RGPD6: variants seen among roughly 807,000 people sequenced by gnomAD.
RGPD6 encodes the protein RANBP2 like and GRIP domain containing 6.
chr2:110,609,798 T>G, the RGPD6 span, among the ~76,000 whole-genome samples: 1 of 112,038 alleles, frequency 8.9e-6, no homozygotes, highest in Non-Finnish European at 1.9e-5. Flanking sequence ...ACCTGAATAG[T>G]GCTGGTTGGA....
the RGPD6 span, among the ~76,000 whole-genome samples, chr2:110,591,116 A>G: frequency 6.4e-5 from 7 of 109,730 alleles, no homozygotes; most frequent in African/African-American, 2.4e-4. Context: ...TCTTTATAAT[A>G]TCAAAAGTTC....
At chr2:110,610,807 T>C in the RGPD6 span, 97 of 1,100,818 alleles carry the variant, frequency 8.8e-5, no homozygotes, top group East Asian at 4.1e-4. Flanking sequence ...CTGCCGCCGC[T>C]GCCGCCGCCG....
At chr2:110,608,341 T>C in the RGPD6 span, among the ~76,000 whole-genome samples, 1 of 149,174 alleles carries the variant, frequency 6.7e-6, no homozygotes, top group Non-Finnish European at 1.5e-5. Context: ...TATTTCCTCA[T>C]CTATAAAATG....
the RGPD6 span, among the ~76,000 whole-genome samples, chr2:110,593,143 C>A: frequency 6.7e-6 from 1 of 148,160 alleles, no homozygotes; most frequent in Non-Finnish European, 1.5e-5. Flanking sequence ...CCATTTAAAT[C>A]TCTTACAACA....
At chr2:110,591,780 A>C in the RGPD6 span, among the ~76,000 whole-genome samples, 1 of 150,412 alleles carries the variant, frequency 6.6e-6, no homozygotes, top group Admixed American at 6.6e-5. Context: ...CCATTCCCAA[A>C]TCCAATAAGC....
the RGPD6 span, among the ~76,000 whole-genome samples, chr2:110,591,650 C>A: frequency 6.6e-6 from 1 of 151,858 alleles, no homozygotes; most frequent in African/African-American, 2.4e-5. Flanking sequence ...TCCCCAAAGG[C>A]TCCAGTCTCC....
the RGPD6 span, among the ~76,000 whole-genome samples, chr2:110,591,100 C>T: frequency 2.8e-5 from 3 of 105,598 alleles, no homozygotes; most frequent in East Asian, 2.4e-4. Flanking sequence ...TGTCCAATTT[C>T]GTGTATCTTT....
the RGPD6 span, among the ~76,000 whole-genome samples, chr2:110,607,268 C>T: frequency 1.5e-4 from 22 of 151,416 alleles, no homozygotes; most frequent in Admixed American, 2.6e-4. Flanking sequence ...GCTACAGTGT[C>T]GGGTGCTGAA....
At chr2:110,605,375 G>A in the RGPD6 span, among the ~76,000 whole-genome samples, 1 of 151,010 alleles carries the variant, frequency 6.6e-6, no homozygotes, top group African/African-American at 2.5e-5. Flanking sequence ...CCTTCGGCCA[G>A]TGTGAGTACA....
chr2:110,593,179 A>G, the RGPD6 span, among the ~76,000 whole-genome samples: 3 of 148,192 alleles, frequency 2.0e-5, no homozygotes, highest in Non-Finnish European at 4.4e-5. Flanking sequence ...CAAGACACAC[A>G]TCATCTGCAT....
At chr2:110,601,075 T>C in the RGPD6 span, among the ~76,000 whole-genome samples, 7 of 151,542 alleles carry the variant, frequency 4.6e-5, no homozygotes, top group South Asian at 2.1e-4. Context: ...GCTTCTATTT[T>C]AGTAAACTAC....
At chr2:110,596,945 T>C in the RGPD6 span, among the ~76,000 whole-genome samples, 40 of 92,426 alleles carry the variant, frequency 4.3e-4, 1 homozygote, top group East Asian at 0.012. Flanking sequence ...ATATATTTTA[T>C]ATATATAATA....
chr2:110,606,888 G>A, the RGPD6 span, among the ~76,000 whole-genome samples: 8 of 151,662 alleles, frequency 5.3e-5, no homozygotes, highest in East Asian at 1.5e-3. Flanking sequence ...AATCACCAGT[G>A]TTGAAAACTT....
chr2:110,605,315 C>T, the RGPD6 span, among the ~76,000 whole-genome samples: 1 of 151,440 alleles, frequency 6.6e-6, no homozygotes, highest in Admixed American at 6.6e-5. Flanking sequence ...GAGGCCCCTC[C>T]AGGCCCATGC....
At chr2:110,607,425 C>CA in the RGPD6 span, among the ~76,000 whole-genome samples, 9 of 148,036 alleles carry the variant, frequency 6.1e-5, no homozygotes, top group Non-Finnish European at 1.0e-4. Context: ...AATTCAGGCT[C>CA]AAAAAACCCA....
chr2:110,590,634 CTA>C, the RGPD6 span, among the ~76,000 whole-genome samples: 2 of 123,074 alleles, frequency 1.6e-5, no homozygotes, highest in Non-Finnish European at 3.5e-5. Flanking sequence ...TTCTTTTCCA[CTA>C]TTCACAATAG....
Sources: gnomAD v4.1 joint callset for allele counts (sites outside exome capture counted in the v4.1 genomes callset) on GRCh38, gnomAD v4.1.1 for gene constraint, MANE v1.5 for transcripts, NCBI Gene and HGNC (gene_info 2026-07-23, HGNC 2026-07-21) for gene names.